Variants in ALDH1L1 observed in about 807,000 individuals in gnomAD.
ALDH1L1 encodes the protein aldehyde dehydrogenase 1 family member L1.
Under a neutral mutation model 101.1 loss-of-function variants are expected in ALDH1L1, and 68 were observed. That is an observed-to-expected ratio of 0.67 (90% CI 0.55 to 0.82). The LOEUF (loss-of-function observed/expected upper bound fraction) is 0.82. Among genes scored for constraint, ALDH1L1 ranks in the 40% least tolerant of loss-of-function variants. The pLI is 0.00. For missense variants in ALDH1L1, 1,087 were observed against 1,172.7 expected (o/e 0.93, Z 1.07); for synonymous variants, 486 against 470.8 (o/e 1.03, Z -0.42).
intron 20 of ALDH1L1, among the ~76,000 whole-genome samples, chr3:126,108,857 T>A: frequency 6.6e-6 from 1 of 152,020 alleles, no homozygotes; most frequent in East Asian, 1.9e-4. Context: ...GGCTGTGAGG[T>A]CAAGGAGTCC....
At chr3:126,161,690 C>T (rs373297792) in intron 1 of ALDH1L1, among the ~76,000 whole-genome samples, 1 of 152,080 alleles carries the variant, frequency 6.6e-6, no homozygotes, top group African/African-American at 2.4e-5. Context: ...TAATACAGTT[C>T]TTTAAATTGT....
intron 1 of ALDH1L1, 173 bp downstream of exon 1, chr3:126,180,303 G>A (rs534201207): frequency 1.4e-4 from 43 of 308,546 alleles, no homozygotes; most frequent in Non-Finnish European, 2.0e-4. Context: ...AAGAACTCCG[G>A]ACCCGTACCC....
intron 8 of ALDH1L1, among the ~76,000 whole-genome samples, chr3:126,149,544 G>A (rs1445589604): frequency 6.6e-6 from 1 of 152,236 alleles, no homozygotes; most frequent in Non-Finnish European, 1.5e-5. Context: ...GAATAAATAG[G>A]ATTTTTTTTA....
At chr3:126,166,621 T>C (rs1285632592) in intron 1 of ALDH1L1, among the ~76,000 whole-genome samples, 1 of 152,148 alleles carries the variant, frequency 6.6e-6, no homozygotes, top group African/African-American at 2.4e-5. Context: ...AATTTTATTA[T>C]AAAATTTCAT....
chr3:126,138,766 C>T (rs575982295), intron 9 of ALDH1L1, among the ~76,000 whole-genome samples: 1 of 152,286 alleles, frequency 6.6e-6, no homozygotes, highest in East Asian at 1.9e-4. Flanking sequence ...ATTTCACTCT[C>T]AAGTATTTAT....
At chr3:126,170,275 T>C (rs1370093819) in intron 1 of ALDH1L1, among the ~76,000 whole-genome samples, 1 of 152,104 alleles carries the variant, frequency 6.6e-6, no homozygotes, top group East Asian at 1.9e-4. Context: ...CTATTTGCAG[T>C]AGGACTGTGA....
intron 1 of ALDH1L1, 43 bp downstream of exon 1, chr3:126,180,433 T>C (rs2081454333): frequency 2.0e-6 from 2 of 988,048 alleles, no homozygotes; most frequent in Non-Finnish European, 2.4e-6. Context: ...GGCAGCCTCC[T>C]TTCCGCCGGG....
chr3:126,188,882 G>A (rs561945158), intron 1 of ALDH1L1, among the ~76,000 whole-genome samples: 5 of 152,166 alleles, frequency 3.3e-5, no homozygotes, highest in South Asian at 2.1e-4. Flanking sequence ...AACTACAGTC[G>A]AATAGATCAA....
At chr3:126,114,919 C>T in intron 17 of ALDH1L1, 2 of 544,218 alleles carry the variant, frequency 3.7e-6, no homozygotes, top group Non-Finnish European at 7.0e-6. Flanking sequence ...TCATTTCCTG[C>T]AGGCCTGTGT....
At chr3:126,134,910 G>T (rs1020594822) in intron 12 of ALDH1L1, among the ~76,000 whole-genome samples, 1 of 152,090 alleles carries the variant, frequency 6.6e-6, no homozygotes, top group Non-Finnish European at 1.5e-5. Context: ...GCTCCTTCCC[G>T]CCAGGCCCTG....
At chr3:126,163,960 C>G (rs1004283551) in intron 1 of ALDH1L1, among the ~76,000 whole-genome samples, 1 of 151,878 alleles carries the variant, frequency 6.6e-6, no homozygotes, top group Admixed American at 6.6e-5. Context: ...ATAGTGAGAC[C>G]CCATCTCTGC....
At chr3:126,182,551 G>A (rs1022491458), upstream of ALDH1L1, among the ~76,000 whole-genome samples, 3 of 152,160 alleles carry the variant, frequency 2.0e-5, no homozygotes, top group Admixed American at 6.5e-5. Flanking sequence ...AAGTCCCCAG[G>A]GCTGAATGCA....
intron 8 of ALDH1L1, 146 bp downstream of exon 8, chr3:126,150,260 C>A: frequency 7.5e-7 from 1 of 1,325,700 alleles, no homozygotes; most frequent in Non-Finnish European, 1.0e-6. Context: ...AGCTCCAAGA[C>A]GAGATAGAAC....
At chr3:126,115,707 T>C (rs995200629) in intron 17 of ALDH1L1, among the ~76,000 whole-genome samples, 10 of 152,130 alleles carry the variant, frequency 6.6e-5, no homozygotes, top group Admixed American at 2.0e-4. Flanking sequence ...CCCGAGTAGC[T>C]GGGATTACAG....
chr3:126,194,020 T>C (rs1208942341), intron 1 of ALDH1L1, among the ~76,000 whole-genome samples: 1 of 152,182 alleles, frequency 6.6e-6, no homozygotes, highest in Admixed American at 6.5e-5. Flanking sequence ...AAAGACACCA[T>C]ATTCTAGGAT....
chr3:126,106,978 G>T (rs926018365), intron 21 of ALDH1L1, among the ~76,000 whole-genome samples, 163 bp downstream of exon 21: 51 of 152,334 alleles, frequency 3.3e-4, no homozygotes, highest in African/African-American at 1.2e-3. Context: ...CTTCTCAGGG[G>T]TGTGGAGACT....
At chr3:126,172,765 C>A (rs1054205737) in intron 1 of ALDH1L1, among the ~76,000 whole-genome samples, 10 of 150,976 alleles carry the variant, frequency 6.6e-5, no homozygotes, top group Non-Finnish European at 1.3e-4. Context: ...CACCCCCCAC[C>A]CCCCAAAAAA....
upstream of ALDH1L1, among the ~76,000 whole-genome samples, chr3:126,182,110 G>A (rs114542799): frequency 0.016 from 2,436 of 152,138 alleles, 54 homozygotes; most frequent in African/African-American, 0.054. Flanking sequence ...ATCACAGAGA[G>A]GCCTGTAATT....
At chr3:126,182,705 C>T (rs1374973645), upstream of ALDH1L1, among the ~76,000 whole-genome samples, 4 of 152,084 alleles carry the variant, frequency 2.6e-5, no homozygotes, top group Admixed American at 2.6e-4. Context: ...TGAACAATGG[C>T]TTGGAGGTTA....
Sources: allele counts gnomAD v4.1 joint callset (sites outside exome capture counted in the v4.1 genomes callset), GRCh38; gene constraint gnomAD v4.1.1; transcripts MANE v1.5; gene names NCBI Gene and HGNC (gene_info 2026-07-23, HGNC 2026-07-21).